GSN: variants seen among roughly 807,000 people sequenced by gnomAD.
GSN encodes the protein actin-depolymerizing factor.
In GSN, 56 loss-of-function variants were observed where a neutral mutation model predicts 85.7. The ratio of observed to expected loss-of-function variants is 0.65; its 90% confidence interval spans 0.53 to 0.82. The LOEUF is 0.82. GSN is among the 40% of genes least tolerant of loss of function. The pLI is 0.00. For missense variants in GSN, 857 were observed against 979.8 expected, an observed-to-expected ratio of 0.87 and a Z score of 1.67; for synonymous variants, 373 against 399.1, an observed-to-expected ratio of 0.93 and a Z score of 0.78.
At chr9:121,236,409 A>G (rs1306223047) in intron 5 of GSN, among the ~76,000 whole-genome samples, 1 of 152,006 alleles carries the variant, frequency 6.6e-6, no homozygotes, top group Admixed American at 6.6e-5. Context: ...TAATAGAGAC[A>G]GGGTTTCACC....
At chr9:121,216,509 A>C (rs1016599513) in intron 4 of GSN, among the ~76,000 whole-genome samples, 6 of 152,220 alleles carry the variant, frequency 3.9e-5, no homozygotes, top group Non-Finnish European at 7.3e-5. Context: ...TATTTCCCCC[A>C]GAAACAGTCC....
intron 6 of GSN, among the ~76,000 whole-genome samples, chr9:121,262,365 G>A (rs1328601256): frequency 6.6e-6 from 1 of 152,138 alleles, no homozygotes; most frequent in Non-Finnish European, 1.5e-5. Context: ...TATTTTATTT[G>A]TAAAATTGGA....
chr9:121,316,329 T>C (rs1056382456), intron 7 of GSN, among the ~76,000 whole-genome samples: 15 of 152,360 alleles, frequency 9.8e-5, no homozygotes, highest in Admixed American at 2.6e-4. Flanking sequence ...TTGTCAAAAC[T>C]AAGAAATTAA....
At chr9:121,225,200 A>T (rs1020190324) in intron 4 of GSN, among the ~76,000 whole-genome samples, 1 of 152,240 alleles carries the variant, frequency 6.6e-6, no homozygotes, top group Admixed American at 6.5e-5. Context: ...AAAACAAATC[A>T]TAAATGAAAG....
rs544020518 is a variant in GSN at position 121,260,918 on chromosome 9, T to A, written c.-340-4236T>A. Among the ~76,000 whole-genome samples the A allele has an allele frequency of 2.6e-5, 4 of 152,352 alleles. 1 individual carries two copies. In the South Asian group the frequency reaches 6.2e-4, roughly 24 times the overall value. ...GAGGAGAAAGGAGGGAGATCAACTT[T>A]GGACTGAAACTTTAATCCAATCATC... On this transcript the variant is annotated intron_variant, in intron 6 of 24. Transcript: ENST00000373823.
intron 4 of GSN, among the ~76,000 whole-genome samples, chr9:121,216,696 AT>A (rs2054070808): frequency 6.6e-6 from 1 of 152,174 alleles, no homozygotes; most frequent in African/African-American, 2.4e-5. Flanking sequence ...TTATAGTGAG[AT>A]TATTCTATTA....
chr9:121,332,549 T>A lies in GSN; in HGVS notation c.2142T>A (p.Asp714Glu). The change falls in exon 18 of 18, where the codon GAT (aspartate) becomes GAA (glutamate). Residue 714 changes from aspartate (D) to glutamate (E), a missense_variant. Asp to Glu is a conservative substitution (Grantham distance 45). Coordinates refer to ENST00000432226, the MANE Select transcript of GSN (RefSeq NM_198252.3). This position sits in a 1 kb window ranked among gnomAD's most constrained non-coding sequence, Gnocchi z 4.8. ...TGGGCTGGTTCCTTGGCTGGGATGA[T>A]GATTACTGGTCTGTGGACCCCTTGG... ...SFVGWFLGWDDDYWSVDPLDR... is the reference protein window; with the variant it reads ...SFVGWFLGWDEDYWSVDPLDR... The A allele has an allele frequency of 6.2e-7, 1 of 1,614,094 alleles. No homozygotes were observed. Among genetic ancestry groups the A allele is most frequent in the Non-Finnish European group, 8.5e-7 (1 of 1,179,992 alleles).
rs528507962 is a variant in GSN at position 121,318,934 on chromosome 9, T to C, written c.1191+54T>C. On this transcript the variant is annotated intron_variant, in intron 10 of 17. Transcript: ENST00000432226. This position sits in a 1 kb window ranked among gnomAD's most constrained non-coding sequence, Gnocchi z 4.3. The stretch of plus-strand genomic sequence containing the variant: ...CCAGGCCCCTCCCTCACTTTCCCCA[T>C]GCACTGCCTCTTGCTTCCCCAAGGA... The C allele has an allele frequency of 2.0e-3, 2,687 of 1,353,400 alleles. 6 individuals are homozygous for C. The highest frequency in any genetic ancestry group is 2.5e-3 in the Non-Finnish European group (2,390 of 944,584). The allele number at this position is 1,353,400 out of a possible 1,614,324, so 83.8% of individuals were successfully genotyped here. A position where few individuals can be genotyped will look rare whatever the true frequency, so the allele number is the denominator to read the frequency against.
intron 6 of GSN, among the ~76,000 whole-genome samples, chr9:121,248,664 A>C (rs2054751366): frequency 6.6e-6 from 1 of 152,340 alleles, no homozygotes; most frequent in Admixed American, 6.5e-5. Context: ...AGGACATTGA[A>C]CTGGGCCTTG....
At chr9:121,224,017 G>C (rs1007863373) in intron 4 of GSN, among the ~76,000 whole-genome samples, 5 of 142,990 alleles carry the variant, frequency 3.5e-5, no homozygotes, top group African/African-American at 1.2e-4. Context: ...CCAATAATAA[G>C]TAATATCAAT....
At chr9:121,294,202 A>G (rs1162173263) in intron 2 of GSN, among the ~76,000 whole-genome samples, 1 of 152,148 alleles carries the variant, frequency 6.6e-6, no homozygotes, top group African/African-American at 2.4e-5. Context: ...TGACTCTCCA[A>G]AGTCTTCTGC....
At chr9:121,327,278 T>A in intron 13 of GSN, 30 bp from the exon 14 acceptor site, 2 of 1,598,778 alleles carry the variant, frequency 1.3e-6, no homozygotes, top group Non-Finnish European at 1.7e-6. Flanking sequence ...TTTTGTCTGG[T>A]TCCTGATTAA....
intron 11 of GSN, among the ~76,000 whole-genome samples, chr9:121,324,228 CT>C (rs909882082): frequency 6.6e-6 from 1 of 152,248 alleles, no homozygotes; most frequent in African/African-American, 2.4e-5. Context: ...GTCCTGGCCA[CT>C]TTTCTGCATC....
At position 121,261,180 on chromosome 9, in the gene GSN, C is replaced by G. The variant is rs899796204; in HGVS notation, c.-340-3974C>G. Among the ~76,000 whole-genome samples, 1 of 152,230 alleles carries G rather than the reference C, an allele frequency of 6.6e-6. No homozygotes were observed. Among genetic ancestry groups the G allele is most frequent in the Admixed American group, 6.5e-5 (1 of 15,282 alleles). On this transcript the variant is annotated intron_variant, in intron 6 of 24. Coordinates refer to the GSN transcript ENST00000373823. This position sits in a 1 kb window ranked among gnomAD's most constrained non-coding sequence, Gnocchi z 4.1. ...GGGGACAGCTGAATGCCTTCTGGTC[C>G]GCTGAGCCCAGAAGAGTGGGGCTGG...
intron 2 of GSN, among the ~76,000 whole-genome samples, chr9:121,292,444 G>A (rs1176145588): frequency 6.6e-6 from 1 of 152,186 alleles, no homozygotes; most frequent in Non-Finnish European, 1.5e-5. Flanking sequence ...TATAGGGCAG[G>A]TATAGGGGCC....
chr9:121,319,280 G>T (rs1010092824), intron 10 of GSN, among the ~76,000 whole-genome samples: 1 of 152,148 alleles, frequency 6.6e-6, no homozygotes, highest in Non-Finnish European at 1.5e-5. Flanking sequence ...GAGGAAGAGC[G>T]GAGAGTGATG....
At chr9:121,223,963 A>AT (rs1025791348) in intron 4 of GSN, among the ~76,000 whole-genome samples, 145 of 151,030 alleles carry the variant, frequency 9.6e-4, no homozygotes, top group African/African-American at 3.4e-3. Context: ...CCAGCCTGAG[A>AT]TTTTTTTGTT....
chr9:121,307,180 CA>C (rs1014699266), intron 4 of GSN, among the ~76,000 whole-genome samples: 7 of 141,106 alleles, frequency 5.0e-5, no homozygotes, highest in Admixed American at 7.1e-5. Context: ...GACTCTGTCT[CA>C]AAAAAAAAAG....
chr9:121,268,274 G>A (rs1178261770), intron 1 of GSN, 55 bp downstream of exon 1: 1 of 151,990 alleles, frequency 6.6e-6, no homozygotes, highest in African/African-American at 2.4e-5. Flanking sequence ...GGGCTGATTT[G>A]AGTCCTTCCT....
Sources: allele counts gnomAD v4.1 joint callset (sites outside exome capture counted in the v4.1 genomes callset), GRCh38; gene constraint gnomAD v4.1.1; non-coding constraint Gnocchi (gnomAD v3.1); transcripts MANE v1.5; gene names NCBI Gene and HGNC (gene_info 2026-07-23, HGNC 2026-07-21).